EPS8L3: variants seen among roughly 807,000 people sequenced by gnomAD.
EPS8L3 encodes the protein epidermal growth factor receptor kinase substrate 8-like protein 3.
A neutral mutation model predicts 88.5 loss-of-function variants in EPS8L3; 80 were observed. That is an observed-to-expected ratio of 0.90 (90% CI 0.75 to 1.09). The LOEUF (loss-of-function observed/expected upper bound fraction) is 1.09, where lower values mean the gene tolerates loss of function less well. Ranked by LOEUF, EPS8L3 falls within the 50% of genes least tolerant of loss-of-function variation. EPS8L3 has a pLI of 0.00. For synonymous variants in EPS8L3, 286 were observed against 291.0 expected (o/e 0.98, Z 0.18); for missense variants, 721 against 735.2 (o/e 0.98, Z 0.22).
intron 8 of EPS8L3, 66 bp downstream of exon 8, chr1:109,758,250 G>A: frequency 6.8e-7 from 1 of 1,473,760 alleles, no homozygotes; most frequent in South Asian, 1.2e-5. Context: ...AAAAGAGGGA[G>A]GGTTGGTGTC....
At chr1:109,752,308 G>T in intron 14 of EPS8L3, 115 bp from the exon 15 acceptor site, 1 of 1,099,804 alleles carries the variant, frequency 9.1e-7, no homozygotes, top group Non-Finnish European at 1.3e-6. Context: ...TGACTTTTGG[G>T]TTTCTTTAGA....
At chr1:109,752,471 T>G in intron 14 of EPS8L3, 1 of 606,028 alleles carries the variant, frequency 1.7e-6, no homozygotes, top group Non-Finnish European at 2.9e-6. Context: ...ATCAGAAGCA[T>G]GTGTGGGTAG....
intron 3 of EPS8L3, 46 bp downstream of exon 3, chr1:109,761,449 A>G: frequency 6.4e-6 from 10 of 1,553,484 alleles, no homozygotes; most frequent in Non-Finnish European, 8.8e-6. Context: ...ACATGGGAAC[A>G]CTTGGGTTTA....
intron 12 of EPS8L3, among the ~76,000 whole-genome samples, chr1:109,756,807 A>G (rs963033647): frequency 3.3e-5 from 5 of 152,182 alleles, no homozygotes; most frequent in African/African-American, 1.2e-4. Flanking sequence ...ATGTTTCAGT[A>G]GTGGGTGATG....
chr1:109,761,070 C>T (rs1220232376), intron 3 of EPS8L3, among the ~76,000 whole-genome samples: 1 of 152,068 alleles, frequency 6.6e-6, no homozygotes, highest in African/African-American at 2.4e-5. Context: ...CCCACAGGGC[C>T]CAAAGATCCC....
At chr1:109,761,242 G>A in intron 3 of EPS8L3, 1 of 465,194 alleles carries the variant, frequency 2.1e-6, no homozygotes, top group Non-Finnish European at 3.9e-6. Context: ...TTCCTGTCTG[G>A]GGACAGGACA....
In EPS8L3 at chr1:109,759,763, A is replaced by G. The variant is rs1178929125; in HGVS notation, c.170T>C (p.Met57Thr). ...PEDALQKLFE[M>T]DAQGRVWSQD... ...GCTCCACACCCGGCCCTGTGCATCC[A>G]TCTCGAACAGCTTCTGCAAGGCATC... Residue 57 changes from methionine (M) to threonine (T), a missense_variant, in exon 4 of 19, where the codon ATG (methionine) becomes ACG (threonine). Physicochemically the swap from Met to Thr is moderately conservative, Grantham distance 81 (BLOSUM62 -1). Transcript: ENST00000361965. This position sits in a 1 kb window ranked among gnomAD's most constrained non-coding sequence, Gnocchi z 4.2. The G allele has an allele frequency of 6.2e-7, 1 of 1,614,056 alleles. No individual in the cohort carries two copies. The highest frequency in any genetic ancestry group is 1.1e-5 in the South Asian group (1 of 91,076).
chr1:109,761,568 G>A lies in EPS8L3; in HGVS notation c.32-9C>T, dbSNP rs1325947169. 46 of 1,613,576 alleles carry A rather than the reference G, an allele frequency of 2.9e-5. No individual in the cohort carries two copies. The highest frequency in any genetic ancestry group is 3.6e-5 in the Non-Finnish European group (43 of 1,179,798). On this transcript the variant is annotated splice_polypyrimidine_tract_variant and intron_variant, in intron 2 of 18. Coordinates refer to ENST00000361965, the MANE Select transcript of EPS8L3 (RefSeq NM_133181.4). ...GTACTCCTTCCGGTGCACTACAAGG[G>A]CACAGAGCAAGGGGCGGGAGGTGGG...
chr1:109,753,234 C>A, intron 12 of EPS8L3, 36 bp from the exon 13 acceptor site: 1 of 1,509,370 alleles, frequency 6.6e-7, no homozygotes, highest in Non-Finnish European at 9.1e-7. Context: ...CACATCCACT[C>A]TGTGAACTCT....
intron 12 of EPS8L3, among the ~76,000 whole-genome samples, chr1:109,754,233 T>G (rs1650069312): frequency 6.6e-6 from 1 of 152,258 alleles, no homozygotes; most frequent in South Asian, 2.1e-4. Flanking sequence ...CAACCTGGTT[T>G]CTACCTCTGC....
In EPS8L3 at chr1:109,753,204, G is replaced by A. The variant is rs1191180906; in HGVS notation, c.1119-6C>T. On this transcript the variant is annotated splice_region_variant and splice_polypyrimidine_tract_variant and intron_variant, in intron 12 of 18. Coordinates refer to ENST00000361965, the MANE Select transcript of EPS8L3 (RefSeq NM_133181.4). ...CATCGCCTGTCCAGTCGGCCCTGAA[G>A]AGGGAAACAAAGCTGAGTTCACATC... The A allele has an allele frequency of 6.2e-7, 1 of 1,600,846 alleles. No homozygotes were observed. Among genetic ancestry groups the A allele is most frequent in the African/African-American group, 1.3e-5 (1 of 74,462 alleles).
chr1:109,756,573 T>C (rs1650303181), intron 12 of EPS8L3, among the ~76,000 whole-genome samples: 1 of 152,214 alleles, frequency 6.6e-6, no homozygotes. Flanking sequence ...ATCTCACAGT[T>C]ACCCCTGCAG....
intron 1 of EPS8L3, among the ~76,000 whole-genome samples, chr1:109,763,128 C>G (rs1651175297): frequency 6.6e-6 from 1 of 152,178 alleles, no homozygotes. Flanking sequence ...GACGTAGGAT[C>G]TGATAAGATG....
chr1:109,751,669 G>A lies in EPS8L3; in HGVS notation c.1548C>T (p.Gly516=). 6.2e-7 allele frequency: 1 copy of A among 1,613,996 alleles called. No homozygotes were observed. The highest frequency in any genetic ancestry group is 8.5e-7 in the Non-Finnish European group (1 of 1,180,018). The part of the protein sequence containing the change: ...PLQPGTPGTQ[G]QSPSRVPMLR... ...TGGGTAGTACCCGAGAGGGTGACTG[G>A]CCCTGGGTCCCAGGGGTCCCCGGCT... The change falls in exon 16 of 19, where the codon GGC becomes GGT. Residue 516 remains glycine (G), a synonymous_variant. Transcript: ENST00000361965.
chr1:109,760,898 C>T (rs544674925), intron 3 of EPS8L3, among the ~76,000 whole-genome samples: 5 of 152,256 alleles, frequency 3.3e-5, no homozygotes, highest in South Asian at 4.1e-4. Flanking sequence ...ACCTTGGTGT[C>T]GACAGCCCTT....
At chr1:109,750,548 A>G in intron 18 of EPS8L3, 112 bp downstream of exon 18, 2 of 1,587,078 alleles carry the variant, frequency 1.3e-6, no homozygotes, top group South Asian at 1.1e-5. Context: ...AGCACCCGCC[A>G]CACTCAGTTC....
At chr1:109,750,592 T>G (rs1649687332) in intron 18 of EPS8L3, 68 bp downstream of exon 18, 2 of 1,607,010 alleles carry the variant, frequency 1.2e-6, no homozygotes, top group African/African-American at 2.7e-5. Flanking sequence ...CTTTTCCAAC[T>G]GGCCCTCTCT....
chr1:109,759,680 T>A lies in EPS8L3; in HGVS notation c.253A>T (p.Lys85Ter), dbSNP rs1557999599. ...CTGGGTTTGCTGGGAAGGCTGACCTTGGTCTCAATGTCCAGCAGCTGCAGC... is the reference window on the plus strand; with the variant it reads ...CTGGGTTTGCTGGGAAGGCTGACCTAGGTCTCAATGTCCAGCAGCTGCAGC... ...GWLQLLDIET[K>*]EELDSYRLDS... Residue 85 changes from lysine (K) to a stop codon, truncating the protein, a stop_gained and splice_region_variant, in exon 4 of 19, where the codon AAG (lysine) becomes TAG (stop). Transcript: ENST00000361965. LOFTEE classifies it high-confidence loss of function. This position sits in a 1 kb window ranked among gnomAD's most constrained non-coding sequence, Gnocchi z 4.2. 6.2e-7 allele frequency: 1 copy of A among 1,613,530 alleles called. No individual in the cohort carries two copies. Among genetic ancestry groups the A allele is most frequent in the Admixed American group, 1.7e-5 (1 of 60,004 alleles).
Position 109,761,564 on chromosome 1 carries a change from A to C in EPS8L3, c.32-5T>G. The C allele has an allele frequency of 6.2e-7, 1 of 1,613,712 alleles. No individual in the cohort carries two copies. Among genetic ancestry groups the C allele is most frequent in the African/African-American group, 1.3e-5 (1 of 74,998 alleles). The stretch of plus-strand genomic sequence containing the variant: ...GGGAGTACTCCTTCCGGTGCACTAC[A>C]AGGGCACAGAGCAAGGGGCGGGAGG... On this transcript the variant is annotated splice_polypyrimidine_tract_variant and splice_region_variant and intron_variant, in intron 2 of 18. Transcript: ENST00000361965.
Sources: allele counts gnomAD v4.1 joint callset (sites outside exome capture counted in the v4.1 genomes callset), GRCh38; gene constraint gnomAD v4.1.1; non-coding constraint Gnocchi (gnomAD v3.1); transcripts MANE v1.5; gene names NCBI Gene and HGNC (gene_info 2026-07-23, HGNC 2026-07-21).